The following KCNJ6 variants were observed in gnomAD, a reference collection of about 807,000 sequenced individuals.
The protein encoded by KCNJ6 is G protein-activated inward rectifier potassium channel 2.
A neutral mutation model predicts 34.2 loss-of-function variants in KCNJ6; 9 were observed. The ratio of observed to expected loss-of-function variants is 0.26; its 90% CI spans 0.16 to 0.46. KCNJ6 has a LOEUF of 0.46. Ranked by LOEUF, KCNJ6 falls within the 20% of genes least tolerant of loss-of-function variation. KCNJ6 has a pLI of 1.00. For synonymous variants in KCNJ6, 196 were observed against 207.1 expected, an observed-to-expected ratio of 0.95 and a Z score of 0.46; for missense variants, 236 against 531.3, an observed-to-expected ratio of 0.44 and a Z score of 5.46.
At chr21:37,689,216 C>A (rs1219533410) in intron 3 of KCNJ6, among the ~76,000 whole-genome samples, 1 of 152,110 alleles carries the variant, frequency 6.6e-6, no homozygotes. Context: ...GTGGACAGAG[C>A]CCTAGTAATG....
intron 3 of KCNJ6, among the ~76,000 whole-genome samples, chr21:37,655,237 G>GAC (rs1569438980): frequency 2.5e-4 from 1 of 4,060 alleles, no homozygotes. Flanking sequence ...GAGAGAGAGA[G>GAC]AGAGAGAGAG....
chr21:37,844,738 G>A (rs2055497986), intron 1 of KCNJ6, among the ~76,000 whole-genome samples: 1 of 152,074 alleles, frequency 6.6e-6, no homozygotes, highest in South Asian at 2.1e-4. Context: ...TAAAAACTCT[G>A]CTGGGCACCA....
chr21:37,761,637 T>C (rs2123495666), intron 2 of KCNJ6, among the ~76,000 whole-genome samples: 1 of 151,018 alleles, frequency 6.6e-6, no homozygotes, highest in South Asian at 2.1e-4. Flanking sequence ...TTGTGTGTTG[T>C]GTTGTGTGTG....
At chr21:37,650,506 C>T (rs1017081710) in intron 3 of KCNJ6, among the ~76,000 whole-genome samples, 1 of 152,206 alleles carries the variant, frequency 6.6e-6, no homozygotes, top group Non-Finnish European at 1.5e-5. Context: ...TGGATGGCCA[C>T]AGCCTCCTCA....
At chr21:37,870,588 A>ATT (rs754356092) in intron 1 of KCNJ6, among the ~76,000 whole-genome samples, 128 of 150,798 alleles carry the variant, frequency 8.5e-4, no homozygotes, top group African/African-American at 2.6e-3. Flanking sequence ...ACAATTCAAA[A>ATT]TTTTGTTTTT....
intron 2 of KCNJ6, among the ~76,000 whole-genome samples, chr21:37,740,126 T>C (rs2054933249): frequency 6.6e-6 from 1 of 152,192 alleles, no homozygotes; most frequent in African/African-American, 2.4e-5. Context: ...TACAAACCAG[T>C]AGCTCTTGTA....
At chr21:37,809,520 T>C (rs977375499) in intron 2 of KCNJ6, among the ~76,000 whole-genome samples, 22 of 152,158 alleles carry the variant, frequency 1.4e-4, no homozygotes, top group African/African-American at 4.6e-4. Flanking sequence ...AAACTTAAAG[T>C]ATAATAATAA....
intron 1 of KCNJ6, among the ~76,000 whole-genome samples, chr21:37,861,393 C>G (rs1464828044): frequency 1.3e-5 from 2 of 152,172 alleles, no homozygotes; most frequent in African/African-American, 4.8e-5. Context: ...CTCATCTTCT[C>G]TTCTTATAAG....
At chr21:37,685,290 G>A (rs1177751906) in intron 3 of KCNJ6, among the ~76,000 whole-genome samples, 2 of 151,980 alleles carry the variant, frequency 1.3e-5, no homozygotes, top group African/African-American at 4.8e-5. Context: ...CTGGAGGTAG[G>A]ATTGGAAATC....
intron 2 of KCNJ6, among the ~76,000 whole-genome samples, chr21:37,778,797 C>T (rs138400374): frequency 1.3e-5 from 2 of 151,084 alleles, no homozygotes; most frequent in African/African-American, 4.9e-5. Flanking sequence ...AGCATGTGTA[C>T]CCCCCACTTA....
intron 2 of KCNJ6, among the ~76,000 whole-genome samples, chr21:37,726,597 AATGTGTGTGT>A (rs1258124088): frequency 3.9e-5 from 6 of 152,072 alleles, no homozygotes; most frequent in Non-Finnish European, 8.8e-5. Context: ...CATGTTTGTG[AATGTGTGTGT>A]ATGTGTGTGT....
chr21:37,897,839 CT>C lies in KCNJ6; in HGVS notation c.-28+18044del, dbSNP rs1377200477. On this transcript the variant is annotated intron_variant, in intron 1 of 3. Transcript: ENST00000609713. ...TGTACCACCTGTTAGTATAAAAAGTCTTTTGCATCTGTTTTCCCAAAGTTGC... is the reference window on the plus strand; with the variant it reads ...TGTACCACCTGTTAGTATAAAAAGTCTTTGCATCTGTTTTCCCAAAGTTGC... Among the ~76,000 whole-genome samples the C allele has an allele frequency of 2.0e-5, 3 of 152,312 alleles. No homozygotes were observed. In the East Asian group the frequency reaches 5.8e-4, roughly 29 times the overall value.
At chr21:37,711,280 G>A (rs907288943) in intron 3 of KCNJ6, among the ~76,000 whole-genome samples, 6 of 152,336 alleles carry the variant, frequency 3.9e-5, no homozygotes, top group South Asian at 4.1e-4. Flanking sequence ...TCCGGTCTCC[G>A]GAAAACACCA....
At chr21:37,666,400 C>A (rs2054513928) in intron 3 of KCNJ6, among the ~76,000 whole-genome samples, 1 of 149,444 alleles carries the variant, frequency 6.7e-6, no homozygotes, top group Admixed American at 6.7e-5. Context: ...CTCCGAGGTG[C>A]CAGGACATCC....
At chr21:37,629,589 G>A (rs2054325129) in intron 3 of KCNJ6, among the ~76,000 whole-genome samples, 2 of 152,184 alleles carry the variant, frequency 1.3e-5, no homozygotes, top group African/African-American at 4.8e-5. Context: ...GAAAGATTAT[G>A]TGAACAGAGG....
chr21:37,874,251 G>A (rs185862167), intron 1 of KCNJ6, among the ~76,000 whole-genome samples: 5 of 152,264 alleles, frequency 3.3e-5, no homozygotes, highest in East Asian at 1.9e-4. Context: ...CCCTTGAAAC[G>A]TCACTTTCAC....
intron 2 of KCNJ6, among the ~76,000 whole-genome samples, chr21:37,726,454 C>A (rs905510545): frequency 1.3e-5 from 2 of 152,152 alleles, no homozygotes; most frequent in Non-Finnish European, 2.9e-5. Flanking sequence ...AGGGCCACAG[C>A]ACTTATTTAT....
chr21:37,764,523 C>T (rs192971659), intron 2 of KCNJ6, among the ~76,000 whole-genome samples: 9 of 152,174 alleles, frequency 5.9e-5, no homozygotes, highest in Non-Finnish European at 1.2e-4. Flanking sequence ...AGATTACAGG[C>T]GTGCGCCACC....
intron 3 of KCNJ6, among the ~76,000 whole-genome samples, chr21:37,701,661 C>T (rs1215742809): frequency 6.6e-6 from 1 of 152,136 alleles, no homozygotes; most frequent in Non-Finnish European, 1.5e-5. Context: ...GTCAGCTGGC[C>T]ATGAGTGCCA....
Sources: gnomAD v4.1 joint callset for allele counts (sites outside exome capture counted in the v4.1 genomes callset) on GRCh38, gnomAD v4.1.1 for gene constraint, MANE v1.5 for transcripts, NCBI Gene and HGNC (gene_info 2026-07-23, HGNC 2026-07-21) for gene names.